CNGB3: variants seen among roughly 807,000 people sequenced by gnomAD.
The protein encoded by CNGB3 is cyclic nucleotide-gated channel beta-3.
In CNGB3, 86 loss-of-function variants were observed where a neutral mutation model predicts 92.8. That is an observed-to-expected ratio of 0.93 (90% CI 0.78 to 1.11). The LOEUF is 1.11. Among genes scored for constraint, CNGB3 ranks in the 50% least tolerant of loss-of-function variants. CNGB3 has a pLI of 0.00. For missense variants in CNGB3, 1,026 were observed against 956.8 expected, an observed-to-expected ratio of 1.07 and a Z score of -0.95; for synonymous variants, 333 against 332.7, an observed-to-expected ratio of 1.00 and a Z score of -0.01.
intron 14 of CNGB3, 150 bp downstream of exon 14, chr8:86,611,438 G>A (rs1465536798): frequency 5.9e-6 from 4 of 677,228 alleles, no homozygotes; most frequent in Admixed American, 2.1e-5. Flanking sequence ...CTGAGAGCAC[G>A]TTATTGCTGT....
chr8:86,676,942 C>A (rs1359685872), intron 3 of CNGB3, among the ~76,000 whole-genome samples: 1 of 152,132 alleles, frequency 6.6e-6, no homozygotes, highest in Admixed American at 6.6e-5. Flanking sequence ...TCTGCCGAGT[C>A]TCTCAGGTAC....
intron 16 of CNGB3, 116 bp from the exon 17 acceptor site, chr8:86,578,979 T>C: frequency 1.3e-6 from 2 of 1,531,102 alleles, no homozygotes; most frequent in Non-Finnish European, 1.8e-6. Flanking sequence ...CCTACATTAA[T>C]AGTTGTTCAT....
At chr8:86,624,178 G>A (rs1822797713) in intron 13 of CNGB3, among the ~76,000 whole-genome samples, 1 of 152,214 alleles carries the variant, frequency 6.6e-6, no homozygotes, top group Non-Finnish European at 1.5e-5. Context: ...CAGCACTTTG[G>A]GAGGCTGAGG....
At chr8:86,598,011 T>A (rs866987449) in intron 15 of CNGB3, among the ~76,000 whole-genome samples, 43 of 144,590 alleles carry the variant, frequency 3.0e-4, no homozygotes, top group South Asian at 1.1e-3. Flanking sequence ...AAAATAAAAT[T>A]AAAATAAAAT....
chr8:86,673,560 C>A (rs1383991169), intron 3 of CNGB3, among the ~76,000 whole-genome samples: 1 of 152,032 alleles, frequency 6.6e-6, no homozygotes, highest in African/African-American at 2.4e-5. Flanking sequence ...GCAAAGAGAG[C>A]CAATGCAGGG....
chr8:86,669,651 T>C (rs1050737221), intron 4 of CNGB3, among the ~76,000 whole-genome samples: 2 of 152,198 alleles, frequency 1.3e-5, no homozygotes, highest in Admixed American at 6.5e-5. Context: ...AAGAAACTGT[T>C]ATACAATACA....
At chr8:86,694,673 T>TA (rs1824410068) in intron 3 of CNGB3, among the ~76,000 whole-genome samples, 1 of 123,234 alleles carries the variant, frequency 8.1e-6, no homozygotes, top group East Asian at 2.4e-4. Context: ...GGCGGCGGGG[T>TA]AGAGGCGCTC....
intron 3 of CNGB3, among the ~76,000 whole-genome samples, chr8:86,700,476 T>C (rs1462863062): frequency 6.6e-6 from 1 of 152,196 alleles, no homozygotes; most frequent in Admixed American, 6.5e-5. Context: ...TCTAATGTTA[T>C]TTTCTATTTA....
Position 86,739,704 on chromosome 8 carries a change from T to A in CNGB3, c.162A>T (p.Lys54Asn). The change falls in exon 2 of 18, where the codon AAA becomes AAT. Residue 54 changes from lysine (K) to asparagine (N), a missense_variant. Coordinates refer to ENST00000320005, the MANE Select transcript of CNGB3 (RefSeq NM_019098.5). ...EENKGEEKSL[K>N]TKSTPVTSEE... ...CAGACGTGACTGGAGTTGACTTGGT[T>A]TTGAGAGATTTCTCTTCACCTTTGT... is the stretch of plus-strand genomic sequence containing the variant. 1 of 1,613,562 alleles carries A rather than the reference T, an allele frequency of 6.2e-7. No homozygotes were observed. Among genetic ancestry groups the A allele is most frequent in the Middle Eastern group, 1.6e-4 (1 of 6,062 alleles).
intron 3 of CNGB3, among the ~76,000 whole-genome samples, chr8:86,691,090 G>C (rs1292342927): frequency 1.3e-5 from 2 of 152,002 alleles, no homozygotes; most frequent in Non-Finnish European, 2.9e-5. Context: ...TTCCAATTCT[G>C]GTTTGGTATA....
intron 6 of CNGB3, chr8:86,659,875 C>A: frequency 2.3e-6 from 1 of 427,138 alleles, no homozygotes; most frequent in Non-Finnish European, 4.7e-6. Flanking sequence ...GCAGATGATG[C>A]AGGGCCCTCC....
At chr8:86,700,423 T>C (rs561414160) in intron 3 of CNGB3, among the ~76,000 whole-genome samples, 1 of 152,368 alleles carries the variant, frequency 6.6e-6, no homozygotes, top group Non-Finnish European at 1.5e-5. Flanking sequence ...GTGATAGTCA[T>C]GGTAAAAATT....
At chr8:86,716,819 A>C (rs78909860) in intron 3 of CNGB3, among the ~76,000 whole-genome samples, 2,180 of 152,282 alleles carry the variant, frequency 0.014, 44 homozygotes, top group African/African-American at 0.049. Context: ...TAAAAAAGCC[A>C]ATGTATTCAG....
Position 86,667,152 on chromosome 8 carries a change from G to A in CNGB3, c.644-19C>T, listed in dbSNP as rs767666611. 1.9e-6 allele frequency: 3 copies of A among 1,603,452 alleles called. No individual in the cohort carries two copies. The East Asian group carries it at 6.7e-5, about 36-fold the overall frequency. ...AGTCGATCTGGAAAAACAGCAAGTG[G>A]TGAAATCCAAATGACATAGAACAAA... On this transcript the variant is annotated intron_variant, in intron 5 of 17. Coordinates refer to ENST00000320005, the MANE Select transcript of CNGB3 (RefSeq NM_019098.5).
intron 3 of CNGB3, among the ~76,000 whole-genome samples, chr8:86,694,156 C>T (rs1471198560): frequency 3.3e-5 from 4 of 121,870 alleles, no homozygotes; most frequent in African/African-American, 6.3e-5. Flanking sequence ...CTGGACGGGG[C>T]GGCTGGCCGG....
chr8:86,731,764 T>G (rs929887408), intron 2 of CNGB3, among the ~76,000 whole-genome samples: 2 of 152,078 alleles, frequency 1.3e-5, no homozygotes, highest in African/African-American at 4.8e-5. Context: ...GGGATTTCTG[T>G]GAGGATTAGA....
At chr8:86,728,822 T>C (rs1279083058) in intron 2 of CNGB3, among the ~76,000 whole-genome samples, 1 of 152,154 alleles carries the variant, frequency 6.6e-6, no homozygotes, top group African/African-American at 2.4e-5. Context: ...TGATAAAGAA[T>C]ATGAAATATG....
chr8:86,622,212 T>C (rs960235774), intron 13 of CNGB3, among the ~76,000 whole-genome samples: 6 of 151,950 alleles, frequency 3.9e-5, no homozygotes, highest in African/African-American at 1.5e-4. Flanking sequence ...AGAAATGGAG[T>C]TTACAGTTGA....
At chr8:86,588,549 G>A (rs1821945530) in intron 15 of CNGB3, among the ~76,000 whole-genome samples, 1 of 151,140 alleles carries the variant, frequency 6.6e-6, no homozygotes. Flanking sequence ...TTAGCATGAA[G>A]GTTGTTGAAT....
Sources: allele counts gnomAD v4.1 joint callset (sites outside exome capture counted in the v4.1 genomes callset), GRCh38; gene constraint gnomAD v4.1.1; transcripts MANE v1.5; gene names NCBI Gene and HGNC (gene_info 2026-07-23, HGNC 2026-07-21).